Variants in PSG3 observed in about 807,000 individuals in gnomAD.
The protein encoded by PSG3 is pregnancy specific beta-1-glycoprotein 3, also known as pregnancy-specific beta-1-glycoprotein 3.
Under a neutral mutation model 47.5 loss-of-function variants are expected in PSG3, and 61 were observed. The observed-to-expected ratio is 1.28, with a 90% CI of 1.05 to 1.59. The LOEUF is 1.59. PSG3 is among the 40% of genes most tolerant of loss of function. The pLI, the probability that PSG3 is intolerant of heterozygous loss-of-function variation, is 0.00. For missense variants in PSG3, 756 were observed against 524.0 expected (o/e 1.44, Z -4.32); for synonymous variants, 263 against 198.4 (o/e 1.33, Z -2.74).
At chr19:42,739,402 C>A in intron 1 of PSG3, 2 of 335,958 alleles carry the variant, frequency 6.0e-6, no homozygotes, top group South Asian at 4.7e-5. Flanking sequence ...CTGCTCACAT[C>A]AGGGCATCCT....
In PSG3 at chr19:42,722,083, G is replaced by A. The variant is rs1297941763; in HGVS notation, c.*48C>T. ...GTAAATACTTTGAGGAAGAATGAAA[G>A]CAACTGTCTGGGAATGACAAAGATT... is the stretch of plus-strand genomic sequence containing the variant. On this transcript the variant is annotated 3_prime_UTR_variant, in exon 7 of 7. Transcript: ENST00000327495. 3 of 413,796 alleles carry A rather than the reference G, an allele frequency of 7.2e-6. No individual in the cohort carries two copies. Among genetic ancestry groups the A allele is most frequent in the Middle Eastern group, 3.1e-4 (1 of 3,234 alleles). The allele number at this position is 413,796 out of a possible 1,614,324, so 25.6% of individuals were successfully genotyped here. A position where few individuals can be genotyped will look rare whatever the true frequency, so the allele number is the denominator to read the frequency against.
At chr19:42,722,713 G>T (rs1297852613) in intron 6 of PSG3, among the ~76,000 whole-genome samples, 1 of 152,046 alleles carries the variant, frequency 6.6e-6, no homozygotes, top group Non-Finnish European at 1.5e-5. Context: ...TGAGTTCTTG[G>T]TGTAGCCCAT....
chr19:42,737,482 A>G (rs1164161626), intron 2 of PSG3, among the ~76,000 whole-genome samples: 3 of 152,200 alleles, frequency 2.0e-5, no homozygotes, highest in South Asian at 2.1e-4. Flanking sequence ...TTTGGGAAAC[A>G]CAGGATTTCA....
In PSG3 at chr19:42,739,174, T is replaced by C. The variant is rs994190751; in HGVS notation, c.65-85A>G. 4.1e-6 allele frequency: 6 copies of C among 1,471,870 alleles called. No homozygotes were observed. The African/African-American group carries it at 5.7e-5, about 14-fold the overall frequency. 91.2% of individuals were successfully genotyped at this position (1,471,870 alleles called of 1,614,324 possible). ...TGGCCCTGGGTCCTGAGAAGGTCTC[T>C]TCAATCCTCAGCTTTGAAGAGACAC... On this transcript the variant is annotated intron_variant, in intron 1 of 6. Transcript: ENST00000327495.
chr19:42,733,139 G>A, intron 2 of PSG3, 77 bp from the exon 3 acceptor site: 3 of 1,555,462 alleles, frequency 1.9e-6, no homozygotes, highest in East Asian at 4.5e-5. Context: ...ATCAGAGTTG[G>A]CATTTCCCAC....
intron 1 of PSG3, 64 bp downstream of exon 1, chr19:42,740,257 A>G: frequency 6.2e-7 from 1 of 1,613,146 alleles, no homozygotes. Context: ...GAGTCTCTCC[A>G]GGAGACCCCA....
intron 2 of PSG3, chr19:42,733,773 A>G (rs1300209357): frequency 6.5e-6 from 1 of 152,698 alleles, no homozygotes; most frequent in Non-Finnish European, 1.5e-5. Context: ...CTTTGGACCA[A>G]GACCACGTTC....
rs1034224038 is a variant in PSG3 at position 42,721,771 on chromosome 19, G to T, written c.*360C>A. 5.0e-6 allele frequency: 2 copies of T among 403,976 alleles called. No individual in the cohort carries two copies. The highest frequency in any genetic ancestry group is 8.9e-6 in the Non-Finnish European group (2 of 223,912). The allele number at this position is 403,976 out of a possible 1,614,324, so 25.0% of individuals were successfully genotyped here. A position where few individuals can be genotyped will look rare whatever the true frequency, so the allele number is the denominator to read the frequency against. The stretch of plus-strand genomic sequence containing the variant: ...TTTACAAAAGTATACTTTACCAATT[G>T]CTGAAGAAAAAAAGTGCATAAATCT... On this transcript the variant is annotated 3_prime_UTR_variant, in exon 7 of 7. Coordinates refer to ENST00000327495, the MANE Select transcript of PSG3 (RefSeq NM_021016.4).
rs1969617726 is a variant in PSG3, at chr19:42,739,010, C to T, written c.144G>A (p.Gly48=). The T allele has an allele frequency of 6.2e-7, 1 of 1,613,834 alleles. No individual in the cohort carries two copies. The highest frequency in any genetic ancestry group is 1.1e-5 in the South Asian group (1 of 91,078). ...IEAEPTKVSK[G]KDVLLLVHNL... is the part of the protein sequence containing the mutation. ...TGTGGACAAGTAGAAGAACGTCCTT[C>T]CCCTTGGAAACTTTGGTTGGCTCGG... Residue 48 remains glycine, a synonymous_variant, in exon 2 of 7, where the codon GGG becomes GGA. Transcript: ENST00000327495.
chr19:42,724,139 C>T (rs771757272), intron 5 of PSG3, 114 bp from the exon 6 acceptor site: 246 of 1,430,690 alleles, frequency 1.7e-4, no homozygotes, highest in South Asian at 6.0e-4. Context: ...TCAAGGACTA[C>T]GTTATTTCTG....
intron 3 of PSG3, 38 bp from the exon 4 acceptor site, chr19:42,730,094 A>C: frequency 6.2e-7 from 1 of 1,602,424 alleles, no homozygotes. Flanking sequence ...CCTGTGTGGC[A>C]CCTTTGATTC....
chr19:42,736,447 A>C (rs138726748), intron 2 of PSG3, among the ~76,000 whole-genome samples: 23 of 152,274 alleles, frequency 1.5e-4, no homozygotes, highest in African/African-American at 5.5e-4. Flanking sequence ...ACCAATCAGC[A>C]GTACTCATTT....
rs1195652739 is a variant in PSG3, at chr19:42,738,774, C to T, written c.380G>A (p.Arg127Gln). ...AGSYTLHIVKRGDGTRGETGH... is the reference protein window; with the variant it reads ...AGSYTLHIVKQGDGTRGETGH... ...AGTTTCTCCTCTAGTCCCATCACCT[C>T]GCTTTACGATGTGTAAGGTGTAGGA... Residue 127 changes from arginine (R) to glutamine (Q), a missense_variant, in exon 2 of 7, where the codon CGA becomes CAA. Physicochemically the swap from Arg to Gln is conservative, Grantham distance 43. Coordinates refer to ENST00000327495, the MANE Select transcript of PSG3 (RefSeq NM_021016.4). 1.1e-5 allele frequency: 18 copies of T among 1,613,930 alleles called. No homozygotes were observed. Among genetic ancestry groups the T allele is most frequent in the African/African-American group, 2.7e-5 (2 of 74,916 alleles).
chr19:42,728,939 A>C (rs193107591), intron 5 of PSG3, among the ~76,000 whole-genome samples, 184 bp downstream of exon 5: 6 of 152,256 alleles, frequency 3.9e-5, no homozygotes, highest in African/African-American at 1.4e-4. Context: ...AGCCATGAGA[A>C]AACAGAAAAA....
Position 42,730,076 on chromosome 19 carries a change from A to C in PSG3, c.710-20T>G. 6.2e-7 allele frequency: 1 copy of C among 1,608,000 alleles called. No homozygotes were observed. Among genetic ancestry groups the C allele is most frequent in the Non-Finnish European group, 8.5e-7 (1 of 1,176,846 alleles). ...GCTTCGCTGTGTGGATAACAGAGAG[A>C]AGATTGTCCTGTGTGGCACCTTTGA... On this transcript the variant is annotated intron_variant, in intron 3 of 6. Coordinates refer to ENST00000327495, the MANE Select transcript of PSG3 (RefSeq NM_021016.4).
At chr19:42,729,624 C>T (rs1010934388) in intron 4 of PSG3, among the ~76,000 whole-genome samples, 154 bp downstream of exon 4, 2 of 152,184 alleles carry the variant, frequency 1.3e-5, no homozygotes, top group Non-Finnish European at 1.5e-5. Flanking sequence ...GCTGTGCCTA[C>T]CCAGATCTTC....
intron 5 of PSG3, among the ~76,000 whole-genome samples, chr19:42,726,233 C>T (rs577605814): frequency 1.3e-5 from 2 of 152,088 alleles, no homozygotes; most frequent in African/African-American, 4.8e-5. Flanking sequence ...TGAGCAGGAA[C>T]AAGACAAGGG....
intron 2 of PSG3, among the ~76,000 whole-genome samples, chr19:42,736,536 A>C (rs1176870398): frequency 6.6e-6 from 1 of 152,088 alleles, no homozygotes; most frequent in East Asian, 1.9e-4. Flanking sequence ...GAGTAATAAT[A>C]AACCTCCATC....
At chr19:42,725,890 C>CAAAAAAAAAAAAAAAAAAA (rs200684147) in intron 5 of PSG3, among the ~76,000 whole-genome samples, 83 of 67,980 alleles carry the variant, frequency 1.2e-3, no homozygotes, top group Non-Finnish European at 1.6e-3. Flanking sequence ...CAACAACAAC[C>CAAAAAAAAAAAAAAAAAAA]AAAAAAAAAA....
Sources: gnomAD v4.1 joint callset for allele counts (sites outside exome capture counted in the v4.1 genomes callset) on GRCh38, gnomAD v4.1.1 for gene constraint, MANE v1.5 for transcripts, NCBI Gene and HGNC (gene_info 2026-07-23, HGNC 2026-07-21) for gene names.